Variants in IL1RAPL2 observed in about 807,000 individuals in gnomAD.
IL1RAPL2 encodes X-linked interleukin-1 receptor accessory protein-like 2.
In IL1RAPL2, 3 loss-of-function variants were observed where a neutral mutation model predicts 44.1. That is an observed-to-expected ratio of 0.07 (90% confidence interval 0.03 to 0.18). The LOEUF (loss-of-function observed/expected upper bound fraction) is 0.18. Ranked by LOEUF, IL1RAPL2 falls within the 10% of genes least tolerant of loss-of-function variation. The pLI is 1.00. For missense variants in IL1RAPL2, 391 were observed against 496.4 expected (o/e 0.79, Z 2.02); for synonymous variants, 181 against 178.8 (o/e 1.01, Z -0.10).
intron 4 of IL1RAPL2, among the ~76,000 whole-genome samples, chrX:105,250,348 C>A (rs1279459960): frequency 9.0e-6 from 1 of 111,124 alleles, no homozygotes; most frequent in Non-Finnish European, 1.9e-5. Flanking sequence ...TTGGACTGTA[C>A]AAAACACAGA....
intron 1 of IL1RAPL2, among the ~76,000 whole-genome samples, chrX:104,620,733 T>C (rs1391062318): frequency 9.5e-6 from 1 of 105,266 alleles, no homozygotes; most frequent in African/African-American, 3.4e-5. Context: ...GGTTATTTTT[T>C]GTTAGTCAGT....
chrX:104,946,403 A>AAAAAAAAAAAG (rs1925360854), intron 2 of IL1RAPL2, among the ~76,000 whole-genome samples: 1 of 96,089 alleles, frequency 1.0e-5, no homozygotes, highest in Non-Finnish European at 2.1e-5. Flanking sequence ...AAAAAAAAAA[A>AAAAAAAAAAAG]AAAAAACTTT....
At chrX:105,054,001 AAAAAT>A (rs1313608547) in intron 2 of IL1RAPL2, among the ~76,000 whole-genome samples, 2 of 111,200 alleles carry the variant, frequency 1.8e-5, no homozygotes, top group Admixed American at 9.6e-5. Flanking sequence ...CTCTGTCTCG[AAAAAT>A]AAAATAAAAT....
At chrX:105,272,253 G>A (rs2034452897) in intron 5 of IL1RAPL2, among the ~76,000 whole-genome samples, 1 of 109,057 alleles carries the variant, frequency 9.2e-6, no homozygotes, top group Non-Finnish European at 1.9e-5. Flanking sequence ...TGCACAATGT[G>A]CACATGTACC....
chrX:105,260,830 A>C (rs1420468384), intron 4 of IL1RAPL2, among the ~76,000 whole-genome samples: 2 of 112,360 alleles, frequency 1.8e-5, no homozygotes, highest in Admixed American at 1.9e-4. Flanking sequence ...CGGCCCTGGG[A>C]GCTCCTTTTT....
chrX:105,164,359 C>T lies in IL1RAPL2; in HGVS notation c.83-31116C>T, dbSNP rs773393855. Among the ~76,000 whole-genome samples the T allele has an allele frequency of 7.1e-5, 8 of 111,950 alleles. No homozygotes were observed. The East Asian group carries it at 2.2e-3, about 31-fold the overall frequency. Reference sequence around the variant, plus strand: ...TCTGTTGAAGTTTGCCCAAGACTGTCTGTATTTAAAACTGAAAGTCCTGCA... The same window carrying T: ...TCTGTTGAAGTTTGCCCAAGACTGTTTGTATTTAAAACTGAAAGTCCTGCA... On this transcript the variant is annotated intron_variant, in intron 2 of 10. Coordinates refer to ENST00000372582, the MANE Select transcript of IL1RAPL2 (RefSeq NM_017416.2).
At chrX:104,942,116 T>C (rs1925195874) in intron 2 of IL1RAPL2, among the ~76,000 whole-genome samples, 1 of 111,944 alleles carries the variant, frequency 8.9e-6, no homozygotes, top group African/African-American at 3.3e-5. Context: ...TGTAGTATAG[T>C]TTGAAGTCAG....
chrX:104,614,848 C>A (rs1602644681), intron 1 of IL1RAPL2, among the ~76,000 whole-genome samples: 1 of 111,589 alleles, frequency 9.0e-6, no homozygotes, highest in African/African-American at 3.3e-5. Context: ...TCTGATAGAT[C>A]TTTCTCTAAT....
rs1357491039 is a variant in IL1RAPL2 at position 104,953,241 on chromosome X, A to G, written c.83-242234A>G. The stretch of plus-strand genomic sequence containing the variant: ...TCAAGGATGTTGTAGTCTATTTGAG[A>G]AGATTAACAAGTCAAGAAGTACATA... On this transcript the variant is annotated intron_variant, in intron 2 of 10. Coordinates refer to ENST00000372582, the MANE Select transcript of IL1RAPL2 (RefSeq NM_017416.2). Among the ~76,000 whole-genome samples, 3 of 111,754 alleles carry G rather than the reference A, an allele frequency of 2.7e-5. No homozygotes were observed. In the East Asian group the frequency reaches 8.4e-4, roughly 31 times the overall value.
chrX:104,828,939 C>T (rs761899404), intron 2 of IL1RAPL2, among the ~76,000 whole-genome samples: 1 of 112,236 alleles, frequency 8.9e-6, no homozygotes, highest in South Asian at 3.7e-4. Context: ...TAGGGGAGAA[C>T]GGCCTACTCA....
intron 4 of IL1RAPL2, among the ~76,000 whole-genome samples, chrX:105,261,013 C>G (rs758603440): frequency 4.2e-4 from 47 of 111,857 alleles, no homozygotes; most frequent in Admixed American, 4.7e-4. Flanking sequence ...TGCAGCTACC[C>G]TTTCTGGAAA....
At chrX:105,612,737 C>T (rs5916933) in intron 6 of IL1RAPL2, among the ~76,000 whole-genome samples, 1 of 110,700 alleles carries the variant, frequency 9.0e-6, no homozygotes, top group Non-Finnish European at 1.9e-5. Flanking sequence ...TGCCCTGTCT[C>T]GGCAGAAAGC....
At chrX:104,644,416 T>C (rs1014726007) in intron 1 of IL1RAPL2, among the ~76,000 whole-genome samples, 2 of 111,750 alleles carry the variant, frequency 1.8e-5, no homozygotes, top group African/African-American at 6.5e-5. Context: ...AGCCACAAGA[T>C]GGCAACTCCC....
chrX:105,702,944 A>G (rs997818846), intron 6 of IL1RAPL2, among the ~76,000 whole-genome samples: 4 of 111,936 alleles, frequency 3.6e-5, no homozygotes, highest in African/African-American at 1.3e-4. Flanking sequence ...CAGATGAGGA[A>G]AACCATTTCA....
At chrX:104,693,188 T>G (rs1201816983) in intron 2 of IL1RAPL2, among the ~76,000 whole-genome samples, 1 of 112,041 alleles carries the variant, frequency 8.9e-6, no homozygotes, top group Non-Finnish European at 1.9e-5. Flanking sequence ...CATCTCTTTT[T>G]CGTCATCATC....
intron 6 of IL1RAPL2, among the ~76,000 whole-genome samples, chrX:105,597,750 G>A (rs1252189812): frequency 9.0e-6 from 1 of 111,558 alleles, no homozygotes; most frequent in Non-Finnish European, 1.9e-5. Flanking sequence ...ATGTGATTTG[G>A]GTGAGGACAC....
rs1556198649 is a variant in IL1RAPL2 at position 105,233,926 on chromosome X, T to C, written c.465T>C (p.Thr155=). ...RIRYLEKSEV[T]KRKEISCPDM... is the part of the protein sequence containing the mutation. ...GCTATTTAGAAAAATCTGAAGTCAC[T>C]AAAAGAAAGGAGATCTCCTGTCCAG... Residue 155 remains threonine (T), a synonymous_variant, in exon 4 of 11, where the codon ACT becomes ACC. Coordinates refer to ENST00000372582, the MANE Select transcript of IL1RAPL2 (RefSeq NM_017416.2). 2 of 1,209,037 alleles carry C rather than the reference T, an allele frequency of 1.7e-6. No individual in the cohort carries two copies. The highest frequency in any genetic ancestry group is 1.7e-5 in the African/African-American group (1 of 57,217).
chrX:104,626,775 A>G (rs933771351), intron 1 of IL1RAPL2, among the ~76,000 whole-genome samples: 2 of 110,306 alleles, frequency 1.8e-5, no homozygotes, highest in African/African-American at 6.6e-5. Context: ...ATTGGACCAG[A>G]TCATTCTTTT....
intron 2 of IL1RAPL2, among the ~76,000 whole-genome samples, chrX:105,106,033 C>T (rs754367261): frequency 9.9e-5 from 11 of 111,423 alleles, no homozygotes; most frequent in Non-Finnish European, 2.1e-4. Context: ...AAAGATTCAC[C>T]GGTGCAGAGA....
Sources: allele counts gnomAD v4.1 joint callset (sites outside exome capture counted in the v4.1 genomes callset), GRCh38; gene constraint gnomAD v4.1.1; transcripts MANE v1.5; gene names NCBI Gene and HGNC (gene_info 2026-07-23, HGNC 2026-07-21).